KIAA1217: variants seen among roughly 807,000 people sequenced by gnomAD.
KIAA1217 encodes sickle tail protein homolog.
Under a neutral mutation model 163.9 loss-of-function variants are expected in KIAA1217, and 88 were observed. That is an observed-to-expected ratio of 0.54 (90% confidence interval 0.45 to 0.64). The LOEUF is 0.64. KIAA1217 is among the 30% of genes least tolerant of loss of function. The pLI is 0.00. For missense variants in KIAA1217, 2,372 were observed against 2,475.0 expected, an observed-to-expected ratio of 0.96 and a Z score of 0.88; for synonymous variants, 903 against 923.1, an observed-to-expected ratio of 0.98 and a Z score of 0.39.
chr10:24,174,103 A>G (rs1329471492), intron 2 of KIAA1217, among the ~76,000 whole-genome samples: 3 of 152,224 alleles, frequency 2.0e-5, no homozygotes, highest in African/African-American at 7.2e-5. Flanking sequence ...AAGGGGCTCA[A>G]GTCTCAGCAG....
intron 2 of KIAA1217, among the ~76,000 whole-genome samples, chr10:24,316,227 G>GT (rs2043350121): frequency 6.6e-6 from 1 of 152,136 alleles, no homozygotes. Flanking sequence ...TGTGATTTGA[G>GT]TCCCTTCAAA....
chr10:24,519,620 C>T (rs749717093), intron 10 of KIAA1217, among the ~76,000 whole-genome samples: 2 of 152,130 alleles, frequency 1.3e-5, no homozygotes, highest in African/African-American at 4.8e-5. Flanking sequence ...TGCTAAACAT[C>T]GTACCGTGCA....
intron 5 of KIAA1217, among the ~76,000 whole-genome samples, chr10:24,470,430 C>T (rs1287882661): frequency 6.6e-6 from 1 of 152,162 alleles, no homozygotes; most frequent in African/African-American, 2.4e-5. Context: ...TGGGCTGGAG[C>T]ATCAGGGCAG....
intron 2 of KIAA1217, among the ~76,000 whole-genome samples, chr10:24,154,311 C>G (rs1057201113): frequency 6.6e-6 from 1 of 151,926 alleles, no homozygotes; most frequent in Non-Finnish European, 1.5e-5. Flanking sequence ...GCCTGTGTCC[C>G]AGCTTCTCAG....
At chr10:24,260,587 A>T (rs1306689680) in intron 2 of KIAA1217, among the ~76,000 whole-genome samples, 1 of 47,542 alleles carries the variant, frequency 2.1e-5, no homozygotes, top group Admixed American at 2.9e-4. Context: ...TCATCTCTAC[A>T]AAAAAAAAAA....
chr10:24,486,794 T>C (rs1377987623), intron 6 of KIAA1217, among the ~76,000 whole-genome samples: 1 of 152,244 alleles, frequency 6.6e-6, no homozygotes, highest in Non-Finnish European at 1.5e-5. Flanking sequence ...TCCCAGATTT[T>C]TTTTTCTCCT....
At chr10:24,025,968 T>C (rs1847924800) in intron 2 of KIAA1217, among the ~76,000 whole-genome samples, 1 of 151,852 alleles carries the variant, frequency 6.6e-6, no homozygotes, top group Non-Finnish European at 1.5e-5. Flanking sequence ...TAGTTGTAAC[T>C]TTCTCTTTCT....
At chr10:23,881,041 G>C (rs1840925349) in intron 1 of KIAA1217, among the ~76,000 whole-genome samples, 1 of 151,936 alleles carries the variant, frequency 6.6e-6, no homozygotes, top group South Asian at 2.1e-4. Flanking sequence ...ATGTATACTA[G>C]CCTGGGGGGA....
intron 14 of KIAA1217, 139 bp from the exon 15 acceptor site, chr10:24,531,691 T>G: frequency 1.4e-6 from 1 of 732,718 alleles, no homozygotes; most frequent in Non-Finnish European, 2.1e-6. Flanking sequence ...CTCTTTAGGG[T>G]CTATACACTT....
chr10:24,337,923 A>G (rs994214192), intron 2 of KIAA1217, among the ~76,000 whole-genome samples: 5 of 152,132 alleles, frequency 3.3e-5, no homozygotes, highest in African/African-American at 4.8e-5. Context: ...GATTCCAGGC[A>G]TGAGCCACCG....
At chr10:23,955,587 A>T (rs1257641045) in intron 1 of KIAA1217, among the ~76,000 whole-genome samples, 1 of 152,162 alleles carries the variant, frequency 6.6e-6, no homozygotes, top group Non-Finnish European at 1.5e-5. Context: ...TGTCTCCGTT[A>T]GTCTGTAGCT....
At chr10:23,927,568 G>A (rs1018193401) in intron 1 of KIAA1217, among the ~76,000 whole-genome samples, 5 of 152,188 alleles carry the variant, frequency 3.3e-5, no homozygotes, top group Non-Finnish European at 5.9e-5. Context: ...GTGATTGAAA[G>A]TGATTATGTG....
intron 2 of KIAA1217, among the ~76,000 whole-genome samples, chr10:24,045,786 G>T (rs1235209315): frequency 6.6e-6 from 1 of 151,998 alleles, no homozygotes; most frequent in Non-Finnish European, 1.5e-5. Context: ...CATGATGAGG[G>T]TAACCATATC....
intron 2 of KIAA1217, among the ~76,000 whole-genome samples, chr10:24,037,773 T>C (rs763471092): frequency 6.6e-6 from 1 of 152,190 alleles, no homozygotes; most frequent in Non-Finnish European, 1.5e-5. Context: ...AACAATATCA[T>C]TGTGATCTAA....
intron 2 of KIAA1217, among the ~76,000 whole-genome samples, chr10:24,052,512 A>G (rs1251360169): frequency 6.6e-6 from 1 of 152,186 alleles, no homozygotes; most frequent in Non-Finnish European, 1.5e-5. Flanking sequence ...ATCACAAATT[A>G]TAGTTTTAGC....
At chr10:24,375,667 G>A (rs575199122) in intron 2 of KIAA1217, among the ~76,000 whole-genome samples, 25 of 152,308 alleles carry the variant, frequency 1.6e-4, no homozygotes, top group Non-Finnish European at 2.6e-4. Context: ...TGAGTGCTAG[G>A]AATGAGTCAT....
intron 2 of KIAA1217, among the ~76,000 whole-genome samples, chr10:24,355,930 G>A (rs1261981914): frequency 6.6e-6 from 1 of 150,848 alleles, no homozygotes; most frequent in East Asian, 2.0e-4. Flanking sequence ...TGTATTTTTA[G>A]TAGAGACGGG....
Position 23,889,203 on chromosome 10 carries a change from G to A in KIAA1217, c.-320-118022G>A, listed in dbSNP as rs568212902. ...TAGATGAATACTTTTGGCTCATAGC[G>A]TGTATAACTTTACCAAAAAATTGCC... is the stretch of plus-strand genomic sequence containing the variant. On this transcript the variant is annotated intron_variant, in intron 1 of 18. Transcript: ENST00000376462. 5.3e-5 allele frequency among the ~76,000 whole-genome samples: 8 copies of A among 151,952 alleles called. No individual in the cohort carries two copies. In the East Asian group the frequency reaches 5.9e-4, roughly 11 times the overall value.
intron 2 of KIAA1217, among the ~76,000 whole-genome samples, chr10:24,258,130 G>A (rs73604460): frequency 0.044 from 6,672 of 151,990 alleles, 483 homozygotes; most frequent in African/African-American, 0.15. Flanking sequence ...GCCGTGAGCC[G>A]TGATTATATC....
Sources: gnomAD v4.1 joint callset for allele counts (sites outside exome capture counted in the v4.1 genomes callset) on GRCh38, gnomAD v4.1.1 for gene constraint, MANE v1.5 for transcripts, NCBI Gene and HGNC (gene_info 2026-07-23, HGNC 2026-07-21) for gene names.